The following CSMD1 variants were observed in gnomAD, a reference collection of about 807,000 sequenced individuals.
CSMD1 encodes CUB and Sushi multiple domains 1.
A neutral mutation model predicts 417.5 loss-of-function variants in CSMD1; 213 were observed. The observed-to-expected ratio is 0.51, with a 90% confidence interval of 0.46 to 0.57. The LOEUF is 0.57. Ranked by LOEUF, CSMD1 falls within the 20% of genes least tolerant of loss-of-function variation. The pLI is 0.00. For missense variants in CSMD1, 6,923 were observed against 4,529.7 expected (o/e 1.53, Z -15.17); for synonymous variants, 2,862 against 1,736.8 (o/e 1.65, Z -16.11).
intron 52 of CSMD1, among the ~76,000 whole-genome samples, chr8:3,010,065 C>G (rs1808262952): frequency 6.6e-6 from 1 of 152,148 alleles, no homozygotes; most frequent in Non-Finnish European, 1.5e-5. Context: ...TGTCTGCAGT[C>G]TTGCCTGCCG....
At chr8:4,263,382 A>C (rs1283876759) in intron 3 of CSMD1, among the ~76,000 whole-genome samples, 1 of 152,154 alleles carries the variant, frequency 6.6e-6, no homozygotes, top group African/African-American at 2.4e-5. Flanking sequence ...AAAATAAAAA[A>C]CCTGCTTTGA....
chr8:4,772,783 G>A (rs1796664722), intron 1 of CSMD1, among the ~76,000 whole-genome samples: 1 of 152,158 alleles, frequency 6.6e-6, no homozygotes, highest in Non-Finnish European at 1.5e-5. Flanking sequence ...CAGTCTTCCA[G>A]GGCTTAAGGT....
At chr8:4,445,528 T>C (rs887007160) in intron 2 of CSMD1, among the ~76,000 whole-genome samples, 4 of 152,214 alleles carry the variant, frequency 2.6e-5, no homozygotes, top group Non-Finnish European at 4.4e-5. Context: ...GGTTTTGTTT[T>C]CATTTGGGTA....
At chr8:3,874,143 G>T (rs77074986) in intron 5 of CSMD1, among the ~76,000 whole-genome samples, 3,740 of 152,164 alleles carry the variant, frequency 0.025, 80 homozygotes, top group Middle Eastern at 0.058. Context: ...CTTCCCCTGG[G>T]GATGCAATCT....
At chr8:4,233,092 G>T (rs896948411) in intron 3 of CSMD1, among the ~76,000 whole-genome samples, 19 of 152,342 alleles carry the variant, frequency 1.2e-4, no homozygotes, top group African/African-American at 4.6e-4. Flanking sequence ...CACTGGCACT[G>T]AACTGCACAG....
intron 7 of CSMD1, among the ~76,000 whole-genome samples, chr8:3,707,305 C>T (rs995549965): frequency 7.9e-6 from 1 of 126,540 alleles, no homozygotes; most frequent in Admixed American, 7.9e-5. Flanking sequence ...CAGATGTAAA[C>T]AGAATTGACC....
chr8:4,340,598 G>A (rs1425542242), intron 3 of CSMD1, among the ~76,000 whole-genome samples: 2 of 152,116 alleles, frequency 1.3e-5, no homozygotes, highest in Non-Finnish European at 2.9e-5. Context: ...TTTCTTCACA[G>A]TACTCTTGCT....
intron 7 of CSMD1, among the ~76,000 whole-genome samples, chr8:3,697,228 T>A (rs79365379): frequency 0.019 from 2,957 of 152,312 alleles, 88 homozygotes; most frequent in African/African-American, 0.064. Flanking sequence ...CAGAAAATGG[T>A]AGTCAGTTTC....
At chr8:4,120,215 A>G (rs868636461) in intron 3 of CSMD1, among the ~76,000 whole-genome samples, 1 of 152,198 alleles carries the variant, frequency 6.6e-6, no homozygotes, top group African/African-American at 2.4e-5. Context: ...AAAATAAAAA[A>G]AATTAATTGG....
intron 18 of CSMD1, among the ~76,000 whole-genome samples, chr8:3,386,518 T>G (rs912098120): frequency 2.0e-5 from 3 of 152,204 alleles, no homozygotes; most frequent in Middle Eastern, 3.2e-3. Flanking sequence ...GTCAAAGATT[T>G]TGAGTGATCT....
At chr8:4,713,598 A>G (rs931805419) in intron 1 of CSMD1, among the ~76,000 whole-genome samples, 5 of 151,992 alleles carry the variant, frequency 3.3e-5, no homozygotes, top group African/African-American at 7.2e-5. Flanking sequence ...ACGGGGTTTC[A>G]CCATATGATA....
At chr8:3,103,927 G>C (rs912656017) in intron 46 of CSMD1, among the ~76,000 whole-genome samples, 1 of 151,782 alleles carries the variant, frequency 6.6e-6, no homozygotes, top group Non-Finnish European at 1.5e-5. Context: ...ATTTTCAGTA[G>C]ACACGGGGTT....
At chr8:4,022,526 G>T (rs761069728) in intron 4 of CSMD1, among the ~76,000 whole-genome samples, 3 of 152,188 alleles carry the variant, frequency 2.0e-5, no homozygotes, top group Non-Finnish European at 4.4e-5. Context: ...CATTTGAGGT[G>T]AAACTGAGGC....
At chr8:3,982,742 A>G (rs560263990) in intron 5 of CSMD1, among the ~76,000 whole-genome samples, 7 of 152,262 alleles carry the variant, frequency 4.6e-5, no homozygotes, top group African/African-American at 1.7e-4. Context: ...AGGAGGCTTA[A>G]CGTGGAAGGA....
intron 11 of CSMD1, among the ~76,000 whole-genome samples, chr8:3,481,063 G>C (rs756256918): frequency 1.1e-4 from 17 of 150,868 alleles, no homozygotes; most frequent in Non-Finnish European, 1.9e-4. Flanking sequence ...GGCTGAGGCA[G>C]GAGAGTGCTT....
At chr8:4,064,179 A>G (rs1329304339) in intron 3 of CSMD1, among the ~76,000 whole-genome samples, 1 of 152,222 alleles carries the variant, frequency 6.6e-6, no homozygotes, top group Non-Finnish European at 1.5e-5. Context: ...AGTGCAAACT[A>G]AAGACATTAG....
At chr8:3,150,114 G>T (rs750142541) in intron 40 of CSMD1, among the ~76,000 whole-genome samples, 5 of 152,150 alleles carry the variant, frequency 3.3e-5, no homozygotes, top group Admixed American at 6.5e-5. Flanking sequence ...TGATTCCCAG[G>T]TCTCCGTTTC....
intron 54 of CSMD1, among the ~76,000 whole-genome samples, chr8:2,987,149 A>G (rs981622086): frequency 2.0e-5 from 3 of 152,122 alleles, no homozygotes; most frequent in Non-Finnish European, 2.9e-5. Context: ...AAAATAATAA[A>G]CAGCTTATAT....
chr8:3,677,524 C>T (rs763202648), intron 7 of CSMD1, among the ~76,000 whole-genome samples: 6 of 152,118 alleles, frequency 3.9e-5, no homozygotes, highest in African/African-American at 1.4e-4. Context: ...CCAGGTGTCC[C>T]CAGGGTGGCT....
Sources: allele counts gnomAD v4.1 joint callset (sites outside exome capture counted in the v4.1 genomes callset), GRCh38; gene constraint gnomAD v4.1.1; transcripts MANE v1.5; gene names NCBI Gene and HGNC (gene_info 2026-07-23, HGNC 2026-07-21).